FBXL17: variants seen among roughly 807,000 people sequenced by gnomAD.
The protein encoded by FBXL17 is F-box and leucine rich repeat protein 17, also known as F-box/LRR-repeat protein 17.
FBXL17 carries 22 observed loss-of-function variants against 66.2 expected under a neutral mutation model. The observed-to-expected ratio is 0.33, with a 90% confidence interval of 0.24 to 0.47. FBXL17 has a LOEUF of 0.47. FBXL17 is among the 20% of genes least tolerant of loss of function. The pLI is 1.00. For synonymous variants in FBXL17, 474 were observed against 400.5 expected, an observed-to-expected ratio of 1.18 and a Z score of -2.19; for missense variants, 878 against 948.2, an observed-to-expected ratio of 0.93 and a Z score of 0.97.
At chr5:108,325,503 G>C (rs934006279) in intron 4 of FBXL17, among the ~76,000 whole-genome samples, 2 of 151,920 alleles carry the variant, frequency 1.3e-5, no homozygotes, top group African/African-American at 2.4e-5. Flanking sequence ...TTTAGCAAGA[G>C]AAAAAGGGAT....
At chr5:108,239,226 A>C (rs1191464143) in intron 4 of FBXL17, among the ~76,000 whole-genome samples, 1 of 152,148 alleles carries the variant, frequency 6.6e-6, no homozygotes, top group Non-Finnish European at 1.5e-5. Flanking sequence ...ATAAAAAAGC[A>C]CCTTTTTAAG....
At chr5:108,190,560 T>C (rs188929961) in intron 5 of FBXL17, among the ~76,000 whole-genome samples, 253 of 152,332 alleles carry the variant, frequency 1.7e-3, no homozygotes, top group Non-Finnish European at 2.4e-3. Flanking sequence ...CATGCTTCCA[T>C]ATATATCTTA....
chr5:108,076,949 A>T (rs1418335403), intron 6 of FBXL17, among the ~76,000 whole-genome samples: 1 of 152,120 alleles, frequency 6.6e-6, no homozygotes, highest in Non-Finnish European at 1.5e-5. Context: ...CCAATAAGAA[A>T]CCCCTTGGAA....
intron 6 of FBXL17, among the ~76,000 whole-genome samples, chr5:108,118,961 C>T (rs1750370521): frequency 6.6e-6 from 1 of 152,196 alleles, no homozygotes; most frequent in Non-Finnish European, 1.5e-5. Context: ...CTCTGGGAAG[C>T]CTCTCCTATC....
At chr5:107,868,705 T>G (rs1476133356) in intron 8 of FBXL17, among the ~76,000 whole-genome samples, 1 of 152,210 alleles carries the variant, frequency 6.6e-6, no homozygotes, top group Admixed American at 6.5e-5. Context: ...TCTAGGGAAG[T>G]GCAGGTTGCT....
At chr5:108,137,510 T>C (rs907050252) in intron 6 of FBXL17, among the ~76,000 whole-genome samples, 2 of 152,098 alleles carry the variant, frequency 1.3e-5, no homozygotes, top group African/African-American at 2.4e-5. Flanking sequence ...TTAGTAATCA[T>C]GCATGAGAAT....
At chr5:108,262,220 G>A (rs570315874) in intron 4 of FBXL17, among the ~76,000 whole-genome samples, 255 of 151,840 alleles carry the variant, frequency 1.7e-3, no homozygotes, top group African/African-American at 5.9e-3. Context: ...AGGACTACAG[G>A]TGCCCACCAC....
At chr5:108,037,547 T>C (rs575964828) in intron 6 of FBXL17, among the ~76,000 whole-genome samples, 9 of 152,212 alleles carry the variant, frequency 5.9e-5, no homozygotes, top group African/African-American at 1.7e-4. Context: ...GGAACATACC[T>C]AACTCTTTTT....
chr5:108,228,648 T>G (rs1755198011), intron 4 of FBXL17, among the ~76,000 whole-genome samples: 1 of 152,220 alleles, frequency 6.6e-6, no homozygotes, highest in African/African-American at 2.4e-5. Context: ...AGGTTCCCCT[T>G]TCTTCTGTAT....
chr5:107,861,199 G>A lies in FBXL17; in HGVS notation c.*521C>T, dbSNP rs962401038. 3 of 152,256 alleles carry A rather than the reference G, an allele frequency of 2.0e-5. No homozygotes were observed. Among genetic ancestry groups the A allele is most frequent in the African/African-American group, 7.2e-5 (3 of 41,464 alleles). 9.4% of individuals were successfully genotyped at this position (152,256 alleles called of 1,614,324 possible). A position where few individuals can be genotyped will look rare whatever the true frequency, so the allele number is the denominator to read the frequency against. On this transcript the variant is annotated 3_prime_UTR_variant, in exon 9 of 9. Coordinates refer to ENST00000542267, the MANE Select transcript of FBXL17 (RefSeq NM_001163315.3). ...AACATGCTACCTTAGTGGCCTGGAA[G>A]AAGGCTTCTCTGTCAGGAAACGATC...
chr5:107,961,234 T>C (rs1472504051), intron 7 of FBXL17, among the ~76,000 whole-genome samples: 1 of 152,044 alleles, frequency 6.6e-6, no homozygotes, highest in Non-Finnish European at 1.5e-5. Context: ...GGGGTTTTGT[T>C]TTGTTTTTGA....
At position 107,911,931 on chromosome 5, in the gene FBXL17, T is replaced by C. The variant is rs186353656; in HGVS notation, c.1823-30752A>G. On this transcript the variant is annotated intron_variant, in intron 7 of 8. Transcript: ENST00000542267. Reference sequence around the variant, plus strand: ...AATATATTAAAATGTTATACTTCACTAGTAATAAGGGAAATGCAAATTAAA... The same window carrying C: ...AATATATTAAAATGTTATACTTCACCAGTAATAAGGGAAATGCAAATTAAA... Among the ~76,000 whole-genome samples the C allele has an allele frequency of 2.3e-3, 353 of 152,218 alleles. 1 individual carries two copies. The highest frequency in any genetic ancestry group is 7.9e-3 in the Admixed American group (120 of 15,272).
At chr5:107,987,878 G>A (rs1416993474) in intron 7 of FBXL17, among the ~76,000 whole-genome samples, 1 of 151,900 alleles carries the variant, frequency 6.6e-6, no homozygotes, top group Non-Finnish European at 1.5e-5. Flanking sequence ...TGGCCATGTT[G>A]AATTCATTAC....
chr5:107,989,339 G>A (rs1440123853), intron 7 of FBXL17, among the ~76,000 whole-genome samples: 1 of 151,912 alleles, frequency 6.6e-6, no homozygotes, highest in East Asian at 1.9e-4. Flanking sequence ...CTACCTCTAT[G>A]AGATCAAATT....
chr5:108,129,173 G>A (rs986536465), intron 6 of FBXL17, among the ~76,000 whole-genome samples: 1 of 152,036 alleles, frequency 6.6e-6, no homozygotes, highest in Non-Finnish European at 1.5e-5. Context: ...CATCCTGATG[G>A]AGCACGTGAA....
intron 6 of FBXL17, among the ~76,000 whole-genome samples, chr5:108,113,298 C>T (rs575497453): frequency 2.6e-4 from 40 of 152,196 alleles, no homozygotes; most frequent in African/African-American, 9.4e-4. Flanking sequence ...ATGTAATCTG[C>T]AACTTTAAAA....
chr5:108,163,461 C>T (rs13174035), intron 6 of FBXL17, among the ~76,000 whole-genome samples: 4 of 139,724 alleles, frequency 2.9e-5, no homozygotes, highest in Admixed American at 7.5e-5. Context: ...AGTGCAGTGG[C>T]GCGATCTCGG....
chr5:108,074,557 T>C (rs80186049), intron 6 of FBXL17, among the ~76,000 whole-genome samples: 3,382 of 152,216 alleles, frequency 0.022, 65 homozygotes, highest in South Asian at 0.043. Context: ...TTTCTTCCTC[T>C]TTGCCTTTTA....
chr5:108,213,163 C>A (rs1236913077), intron 5 of FBXL17, among the ~76,000 whole-genome samples: 1 of 152,036 alleles, frequency 6.6e-6, no homozygotes, highest in Non-Finnish European at 1.5e-5. Flanking sequence ...CGAGCTTGAG[C>A]CACAGCAGGC....
Sources: gnomAD v4.1 joint callset for allele counts (sites outside exome capture counted in the v4.1 genomes callset) on GRCh38, gnomAD v4.1.1 for gene constraint, MANE v1.5 for transcripts, NCBI Gene and HGNC (gene_info 2026-07-23, HGNC 2026-07-21) for gene names.